The following ARHGAP20 variants were observed in gnomAD, a reference collection of about 807,000 sequenced individuals.
ARHGAP20 encodes the protein Rho GTPase activating protein 20.
In ARHGAP20, 34 loss-of-function variants were observed where a neutral mutation model predicts 73.7. That is an observed-to-expected ratio of 0.46 (90% CI 0.35 to 0.61). ARHGAP20 has a LOEUF of 0.61. ARHGAP20 is among the 20% of genes least tolerant of loss of function. ARHGAP20 has a pLI of 0.00. For synonymous variants in ARHGAP20, 523 were observed against 518.2 expected, an observed-to-expected ratio of 1.01 and a Z score of -0.13; for missense variants, 1,314 against 1,420.9, an observed-to-expected ratio of 0.92 and a Z score of 1.21.
rs1947338548 is a variant in ARHGAP20, at chr11:110,578,188, T to C, written c.*1182A>G. On this transcript the variant is annotated 3_prime_UTR_variant, in exon 15 of 15. Transcript: ENST00000683387. Reference sequence around the variant, plus strand: ...ATGGATATAAAATAAACCAATGGGGTATAAGCCATGAAACATTTGGGGCAA... The same window carrying C: ...ATGGATATAAAATAAACCAATGGGGCATAAGCCATGAAACATTTGGGGCAA... 48 of 985,226 alleles carry C rather than the reference T, an allele frequency of 4.9e-5. No homozygotes were observed. The highest frequency in any genetic ancestry group is 5.5e-5 in the Non-Finnish European group (46 of 829,916). The allele number at this position is 985,226 out of a possible 1,614,324, so 61.0% of individuals were successfully genotyped here.
At chr11:110,700,112 A>G (rs879573922) in intron 1 of ARHGAP20, among the ~76,000 whole-genome samples, 3 of 152,022 alleles carry the variant, frequency 2.0e-5, no homozygotes, top group Non-Finnish European at 4.4e-5. Flanking sequence ...TCTGCTCATT[A>G]TTAGTTCTCA....
intron 2 of ARHGAP20, among the ~76,000 whole-genome samples, chr11:110,684,285 T>C (rs1012053746): frequency 7.9e-5 from 12 of 152,252 alleles, no homozygotes; most frequent in African/African-American, 2.9e-4. Context: ...TGCTAACAGA[T>C]TGATTTTATT....
intron 2 of ARHGAP20, among the ~76,000 whole-genome samples, chr11:110,660,081 A>G (rs1474525712): frequency 7.2e-6 from 1 of 139,326 alleles, no homozygotes; most frequent in East Asian, 2.2e-4. Flanking sequence ...AAAAAAAAGA[A>G]AATACCCTAG....
Position 110,624,283 on chromosome 11 carries a change from T to A in ARHGAP20, c.382A>T (p.Lys128Ter). The change falls in exon 4 of 15, where the codon AAA becomes TAA. Residue 128 changes from lysine (K) to a stop codon, truncating the protein, a stop_gained. Transcript: ENST00000683387. LOFTEE classifies it high-confidence loss of function. ...GTCCACATATCAGTTAATTTAATTT[T>A]ATTTTTTATCTTAAAGTTATTGTTA... Reference protein sequence around the residue: ...KYNNNFKIKNKIKLTDMWTAS... With the variant: ...KYNNNFKIKN The A allele has an allele frequency of 6.3e-7, 1 of 1,593,582 alleles. No individual in the cohort carries two copies.
chr11:110,656,496 C>A (rs1949469650), intron 2 of ARHGAP20, among the ~76,000 whole-genome samples: 1 of 152,164 alleles, frequency 6.6e-6, no homozygotes, highest in Admixed American at 6.5e-5. Flanking sequence ...ATTTCTACTT[C>A]TTCCCCAGTG....
chr11:110,599,829 G>C (rs1299882433), intron 9 of ARHGAP20, among the ~76,000 whole-genome samples: 2 of 152,190 alleles, frequency 1.3e-5, no homozygotes, highest in Non-Finnish European at 2.9e-5. Context: ...CCAGCCTGCA[G>C]AGAGGAGCTA....
At chr11:110,638,266 G>A (rs1949009847) in intron 2 of ARHGAP20, among the ~76,000 whole-genome samples, 1 of 151,900 alleles carries the variant, frequency 6.6e-6, no homozygotes, top group African/African-American at 2.4e-5. Context: ...TAAATAAATT[G>A]TGTATTTATG....
chr11:110,613,137 A>G (rs1458400403), intron 6 of ARHGAP20, among the ~76,000 whole-genome samples: 1 of 152,236 alleles, frequency 6.6e-6, no homozygotes, highest in Non-Finnish European at 1.5e-5. Flanking sequence ...AAACATAATT[A>G]TAGAAAGTAT....
In ARHGAP20 at chr11:110,589,455, A is replaced by C. The variant is rs1172763795; in HGVS notation, c.1305+1193T>G. 4 of 985,340 alleles carry C rather than the reference A, an allele frequency of 4.1e-6. No individual in the cohort carries two copies. The Admixed American group carries it at 2.5e-4, about 61-fold the overall frequency. The allele number at this position is 985,340 out of a possible 1,614,324, so 61.0% of individuals were successfully genotyped here. ...TCAGCTGGAGTAGGGGTATGCAAGAATCTTCTTCACCATATTTTCCTTAAC... is the reference window on the plus strand; with the variant it reads ...TCAGCTGGAGTAGGGGTATGCAAGACTCTTCTTCACCATATTTTCCTTAAC... On this transcript the variant is annotated intron_variant, in intron 11 of 14. Coordinates refer to ENST00000683387, the MANE Select transcript of ARHGAP20 (RefSeq NM_001384657.1).
intron 2 of ARHGAP20, among the ~76,000 whole-genome samples, chr11:110,660,952 T>C (rs565650356): frequency 1.3e-5 from 2 of 152,276 alleles, no homozygotes; most frequent in South Asian, 4.1e-4. Flanking sequence ...ATTCATAAAA[T>C]AAAATGCCCA....
At chr11:110,711,932 T>C (rs1950669063) in intron 1 of ARHGAP20, 195 bp downstream of exon 1, 31 of 1,252,910 alleles carry the variant, frequency 2.5e-5, no homozygotes, top group Non-Finnish European at 3.1e-5. Context: ...GCGGGCGCTC[T>C]GCGGGAGGCG....
At chr11:110,667,737 G>T (rs1949752811) in intron 2 of ARHGAP20, among the ~76,000 whole-genome samples, 1 of 152,174 alleles carries the variant, frequency 6.6e-6, no homozygotes, top group South Asian at 2.1e-4. Flanking sequence ...ATTTGAGGAG[G>T]TCAAAATATC....
intron 3 of ARHGAP20, among the ~76,000 whole-genome samples, chr11:110,627,071 T>A (rs1025427574): frequency 1.7e-4 from 26 of 151,112 alleles, no homozygotes; most frequent in Non-Finnish European, 3.5e-4. Flanking sequence ...ATAAACAGAC[T>A]GAACAAAACC....
At chr11:110,679,797 A>ATT (rs770780295) in intron 2 of ARHGAP20, among the ~76,000 whole-genome samples, 2 of 152,206 alleles carry the variant, frequency 1.3e-5, no homozygotes, top group Non-Finnish European at 2.9e-5. Context: ...TTTTCTCATC[A>ATT]TACTCAGAAC....
At chr11:110,599,180 A>T (rs1702454073) in intron 9 of ARHGAP20, among the ~76,000 whole-genome samples, 1 of 152,190 alleles carries the variant, frequency 6.6e-6, no homozygotes, top group Non-Finnish European at 1.5e-5. Flanking sequence ...GCAACTGTAG[A>T]CATAGACATT....
chr11:110,633,518 G>C, intron 2 of ARHGAP20, among the ~76,000 whole-genome samples: 1 of 152,214 alleles, frequency 6.6e-6, no homozygotes, highest in Middle Eastern at 3.4e-3. Context: ...GCATTTCTAT[G>C]TGTTTTTTGA....
rs71057024 is a variant in ARHGAP20, at chr11:110,687,087, GAC to G, written c.188+3458_188+3459del. Among the ~76,000 whole-genome samples the G allele has an allele frequency of 5.0e-4, 68 of 136,736 alleles. 1 individual carries two copies. The highest frequency in any genetic ancestry group is 2.0e-3 in the South Asian group (8 of 3,968). The allele number at this position is 136,736 out of a possible 152,430, so 89.7% of individuals were successfully genotyped here. On this transcript the variant is annotated intron_variant, in intron 2 of 14. Transcript: ENST00000683387. ...ACACACACACACACACATATATATA[GAC>G]ACACACACACACACACATATATTTT...
At chr11:110,669,573 A>G (rs11213525) in intron 2 of ARHGAP20, among the ~76,000 whole-genome samples, 26,379 of 152,074 alleles carry the variant, frequency 0.17, 2,357 homozygotes, top group South Asian at 0.29. Context: ...GCTCAACATC[A>G]TTAGTTATCA....
In ARHGAP20 at chr11:110,591,962, C is replaced by G. The variant is rs143607544; in HGVS notation, c.1143+15G>C. The G allele has an allele frequency of 6.0e-5, 96 of 1,612,838 alleles. No homozygotes were observed. The East Asian group carries it at 2.1e-3, about 35-fold the overall frequency. ...CACCCTTTCCCATCAGTTTACAGAC[C>G]AAAATGAGCCTTACCAAGACAGGTT... On this transcript the variant is annotated intron_variant, in intron 10 of 14. Coordinates refer to ENST00000683387, the MANE Select transcript of ARHGAP20 (RefSeq NM_001384657.1).
Sources: allele counts gnomAD v4.1 joint callset (sites outside exome capture counted in the v4.1 genomes callset), GRCh38; gene constraint gnomAD v4.1.1; transcripts MANE v1.5; gene names NCBI Gene and HGNC (gene_info 2026-07-23, HGNC 2026-07-21).